The following TTC29 variants were observed in gnomAD, a reference collection of about 807,000 sequenced individuals.
TTC29 encodes the protein tetratricopeptide repeat protein 29.
In TTC29, 49 loss-of-function variants were observed where a neutral mutation model predicts 58.1. The ratio of observed to expected loss-of-function variants is 0.84; its 90% CI spans 0.67 to 1.07. The LOEUF is 1.07. Ranked by LOEUF, TTC29 falls within the 50% of genes least tolerant of loss-of-function variation. TTC29 has a pLI of 0.00. For missense variants in TTC29, 582 were observed against 555.6 expected (o/e 1.05, Z -0.48); for synonymous variants, 209 against 196.8 (o/e 1.06, Z -0.52).
chr4:146,728,843 A>G (rs1367836951), intron 11 of TTC29, among the ~76,000 whole-genome samples: 1 of 80,496 alleles, frequency 1.2e-5, no homozygotes, highest in African/African-American at 4.2e-5. Context: ...ATACACATAT[A>G]TATGTATATA....
At chr4:146,866,581 G>A (rs1730578637) in intron 8 of TTC29, among the ~76,000 whole-genome samples, 1 of 152,052 alleles carries the variant, frequency 6.6e-6, no homozygotes, top group South Asian at 2.1e-4. Flanking sequence ...TGTGCATCTG[G>A]TTGTCTCTGT....
chr4:146,709,796 A>G (rs1053826663), intron 11 of TTC29, among the ~76,000 whole-genome samples: 2 of 152,144 alleles, frequency 1.3e-5, no homozygotes, highest in African/African-American at 2.4e-5. Flanking sequence ...TCATAGAGGA[A>G]ATAAATGACA....
At chr4:146,819,992 C>T (rs1443426351) in intron 10 of TTC29, 133 bp downstream of exon 10, 1 of 1,168,432 alleles carries the variant, frequency 8.6e-7, no homozygotes, top group East Asian at 2.4e-5. Context: ...ATTAACTACA[C>T]CCTGCAGTCC....
At chr4:146,719,332 C>T (rs1743185574) in intron 11 of TTC29, among the ~76,000 whole-genome samples, 1 of 151,816 alleles carries the variant, frequency 6.6e-6, no homozygotes, top group Non-Finnish European at 1.5e-5. Context: ...TCATTTTGTA[C>T]AGATAAGGAA....
At chr4:146,755,778 A>G (rs893360680) in intron 11 of TTC29, among the ~76,000 whole-genome samples, 2 of 152,166 alleles carry the variant, frequency 1.3e-5, no homozygotes, top group Non-Finnish European at 2.9e-5. Context: ...TCTTTAAAAA[A>G]TTAGGGTTCT....
At chr4:146,789,781 G>A (rs1444811336) in intron 11 of TTC29, among the ~76,000 whole-genome samples, 5 of 149,134 alleles carry the variant, frequency 3.4e-5, no homozygotes, top group Non-Finnish European at 5.9e-5. Context: ...ATTTTTTACT[G>A]TAGATTTTAA....
chr4:146,889,583 A>C (rs182070402), intron 6 of TTC29, among the ~76,000 whole-genome samples: 215 of 152,280 alleles, frequency 1.4e-3, no homozygotes, highest in Non-Finnish European at 2.6e-3. Context: ...AAGAGAAAAT[A>C]AAATACCACA....
intron 10 of TTC29, among the ~76,000 whole-genome samples, chr4:146,819,133 TAATAAAAA>T (rs1035423307): frequency 2.4e-4 from 36 of 148,998 alleles, no homozygotes; most frequent in East Asian, 3.9e-4. Context: ...AATAAATAAA[TAATAAAAA>T]AATAAAAAAA....
intron 6 of TTC29, among the ~76,000 whole-genome samples, chr4:146,892,627 ATAGGGATGCCCTCTCTCACCAC>A (rs1732456566): frequency 6.6e-6 from 1 of 152,232 alleles, no homozygotes; most frequent in Non-Finnish European, 1.5e-5. Context: ...CTGGTACAAG[ATAGGGATGCCCTCTCTCACCAC>A]TCCTATTCAA....
At chr4:146,742,132 A>G (rs1745199400) in intron 11 of TTC29, among the ~76,000 whole-genome samples, 1 of 152,176 alleles carries the variant, frequency 6.6e-6, no homozygotes, top group African/African-American at 2.4e-5. Flanking sequence ...TTGCATCACT[A>G]TTACATTTGC....
chr4:146,928,011 A>G (rs1281002767), intron 4 of TTC29, among the ~76,000 whole-genome samples: 1 of 152,214 alleles, frequency 6.6e-6, no homozygotes, highest in Non-Finnish European at 1.5e-5. Flanking sequence ...ATGGCAATAC[A>G]GTGCTATAAG....
intron 2 of TTC29, 49 bp from the exon 3 acceptor site, chr4:146,939,950 A>T: frequency 6.6e-7 from 1 of 1,525,966 alleles, no homozygotes. Context: ...TAAATCTTTC[A>T]AAGGATCCTT....
chr4:146,907,479 T>C (rs1733597365), intron 5 of TTC29, among the ~76,000 whole-genome samples: 1 of 152,106 alleles, frequency 6.6e-6, no homozygotes, highest in Non-Finnish European at 1.5e-5. Context: ...AATACTAGAA[T>C]GTAGGTTGTT....
At chr4:146,839,037 A>G (rs1216999934) in intron 8 of TTC29, among the ~76,000 whole-genome samples, 1 of 151,954 alleles carries the variant, frequency 6.6e-6, no homozygotes, top group Non-Finnish European at 1.5e-5. Context: ...ATTTGTTTTA[A>G]AAAAGTTTAA....
At chr4:146,708,341 TATATATATATATATACAC>T (rs1277521738) in intron 11 of TTC29, among the ~76,000 whole-genome samples, 27 of 62,784 alleles carry the variant, frequency 4.3e-4, no homozygotes, top group Non-Finnish European at 5.3e-4. Context: ...TATATATATA[TATATATATATATATACAC>T]ATGTATGTGT....
chr4:146,905,793 T>C (rs950277743), intron 5 of TTC29, among the ~76,000 whole-genome samples: 1 of 152,186 alleles, frequency 6.6e-6, no homozygotes, highest in African/African-American at 2.4e-5. Flanking sequence ...ACAATATACA[T>C]CAGCATGCTG....
At chr4:146,939,363 G>A (rs58882946) in intron 3 of TTC29, among the ~76,000 whole-genome samples, 11,326 of 152,050 alleles carry the variant, frequency 0.074, 1,422 homozygotes, top group African/African-American at 0.26. Flanking sequence ...GCTGAGGCAC[G>A]ATAATTGCTT....
intron 11 of TTC29, among the ~76,000 whole-genome samples, chr4:146,800,305 C>A (rs908365291): frequency 6.6e-6 from 1 of 152,102 alleles, no homozygotes; most frequent in African/African-American, 2.4e-5. Flanking sequence ...CTTAGGGGGT[C>A]ATGTTCCTCT....
At chr4:146,879,643 A>C (rs1203058063) in intron 6 of TTC29, among the ~76,000 whole-genome samples, 4 of 152,180 alleles carry the variant, frequency 2.6e-5, no homozygotes, top group African/African-American at 9.6e-5. Context: ...GCACCAAATA[A>C]ACTTTAACAC....
Sources: gnomAD v4.1 joint callset for allele counts (sites outside exome capture counted in the v4.1 genomes callset) on GRCh38, gnomAD v4.1.1 for gene constraint, MANE v1.5 for transcripts, NCBI Gene and HGNC (gene_info 2026-07-23, HGNC 2026-07-21) for gene names.